Variants in PXDNL observed in about 807,000 individuals in gnomAD.
PXDNL encodes peroxidasin like.
In PXDNL, 145 loss-of-function variants were observed where a neutral mutation model predicts 150.8. The observed-to-expected ratio is 0.96, with a 90% CI of 0.84 to 1.10. PXDNL has a LOEUF of 1.10. PXDNL is among the 50% of genes least tolerant of loss of function. PXDNL has a pLI of 0.00. For missense variants in PXDNL, 2,087 were observed against 1,873.9 expected (o/e 1.11, Z -2.10); for synonymous variants, 757 against 725.7 (o/e 1.04, Z -0.69).
At chr8:51,620,304 A>T (rs1357185772) in intron 2 of PXDNL, among the ~76,000 whole-genome samples, 7 of 152,174 alleles carry the variant, frequency 4.6e-5, no homozygotes, top group Non-Finnish European at 1.0e-4. Flanking sequence ...AATGCCTCTA[A>T]TCCTGAAGAG....
intron 12 of PXDNL, among the ~76,000 whole-genome samples, chr8:51,446,385 A>G (rs1010879708): frequency 6.6e-6 from 1 of 152,350 alleles, no homozygotes; most frequent in South Asian, 2.1e-4. Flanking sequence ...CCATCATTTC[A>G]CCATAAGCCA....
intron 1 of PXDNL, among the ~76,000 whole-genome samples, chr8:51,696,905 G>A (rs16919839): frequency 0.33 from 10,178 of 30,826 alleles, 590 homozygotes; most frequent in African/African-American, 0.39. Context: ...AACAGCCTTT[G>A]CTGATTATAT....
intron 5 of PXDNL, among the ~76,000 whole-genome samples, chr8:51,496,837 T>C (rs1480706998): frequency 6.6e-6 from 1 of 152,196 alleles, no homozygotes; most frequent in East Asian, 1.9e-4. Flanking sequence ...GAAGAATCAA[T>C]GTCATGAAAA....
chr8:51,453,023 T>C (rs1809844653), intron 10 of PXDNL, among the ~76,000 whole-genome samples: 1 of 152,006 alleles, frequency 6.6e-6, no homozygotes, highest in Admixed American at 6.6e-5. Flanking sequence ...AGAATGTGCC[T>C]TCTTTATAAC....
At chr8:51,641,226 A>C (rs1814746461) in intron 2 of PXDNL, among the ~76,000 whole-genome samples, 1 of 122,802 alleles carries the variant, frequency 8.1e-6, no homozygotes, top group East Asian at 2.3e-4. Context: ...AAAGACTTAA[A>C]CGTTAGACCT....
At chr8:51,676,151 T>C (rs773911072) in intron 1 of PXDNL, among the ~76,000 whole-genome samples, 1 of 152,162 alleles carries the variant, frequency 6.6e-6, no homozygotes, top group Non-Finnish European at 1.5e-5. Flanking sequence ...ACTCTATTAC[T>C]GATGTTGTTA....
chr8:51,406,277 T>C (rs546654492), intron 17 of PXDNL, among the ~76,000 whole-genome samples: 9 of 152,328 alleles, frequency 5.9e-5, no homozygotes, highest in Admixed American at 4.6e-4. Flanking sequence ...ACAGGAAACA[T>C]TTAAAATTCT....
At chr8:51,654,261 A>G (rs1815103979) in intron 2 of PXDNL, among the ~76,000 whole-genome samples, 1 of 152,264 alleles carries the variant, frequency 6.6e-6, no homozygotes, top group Non-Finnish European at 1.5e-5. Context: ...CAGCATCTCT[A>G]CATGATTCTA....
At chr8:51,457,211 T>C (rs1274212661) in intron 9 of PXDNL, among the ~76,000 whole-genome samples, 1 of 152,222 alleles carries the variant, frequency 6.6e-6, no homozygotes, top group African/African-American at 2.4e-5. Flanking sequence ...TATTCCTGCC[T>C]AAGTAACACT....
chr8:51,534,895 C>A (rs1471092745), intron 4 of PXDNL, among the ~76,000 whole-genome samples: 1 of 96,968 alleles, frequency 1.0e-5, no homozygotes, highest in Non-Finnish European at 1.9e-5. Flanking sequence ...AGGTGAGGGG[C>A]GCCTCTGCCC....
chr8:51,731,038 T>C (rs1489377224), intron 1 of PXDNL, among the ~76,000 whole-genome samples: 1 of 152,132 alleles, frequency 6.6e-6, no homozygotes, highest in African/African-American at 2.4e-5. Context: ...CTCCCAAATC[T>C]CATGTTCTCA....
Position 51,382,723 on chromosome 8 carries a change from G to A in PXDNL, c.3558-7992C>T, listed in dbSNP as rs1042657214. On this transcript the variant is annotated intron_variant, in intron 17 of 22. Transcript: ENST00000356297. ...TAAAAAAAAAGATATATTGATCTCTGAATGGTTAGAATTAAATTATGCAGA... is the reference window on the plus strand; with the variant it reads ...TAAAAAAAAAGATATATTGATCTCTAAATGGTTAGAATTAAATTATGCAGA... 5.9e-5 allele frequency among the ~76,000 whole-genome samples: 9 copies of A among 152,112 alleles called. No individual in the cohort carries two copies. The East Asian group carries it at 1.7e-3, about 29-fold the overall frequency.
At chr8:51,716,922 G>A (rs1225144644) in intron 1 of PXDNL, among the ~76,000 whole-genome samples, 1 of 151,964 alleles carries the variant, frequency 6.6e-6, no homozygotes, top group Admixed American at 6.6e-5. Flanking sequence ...CTCTTTTTTT[G>A]TTGTTGTTTT....
In PXDNL at chr8:51,663,614, C is replaced by CG. The variant is rs1254425033; in HGVS notation, c.165-8855dup. On this transcript the variant is annotated intron_variant, in intron 1 of 22. Coordinates refer to ENST00000356297, the MANE Select transcript of PXDNL (RefSeq NM_144651.5). The stretch of plus-strand genomic sequence containing the variant: ...AGTAAGGAGAACATTGCGGTTTTGA[C>CG]GGTGGTATCCCTGTATGTGGGAACC... Among the ~76,000 whole-genome samples the CG allele has an allele frequency of 2.6e-5, 4 of 152,268 alleles. 1 individual carries two copies. The East Asian group carries it at 7.7e-4, about 29-fold the overall frequency.
chr8:51,646,813 G>T (rs1273314779), intron 2 of PXDNL, among the ~76,000 whole-genome samples: 1 of 152,128 alleles, frequency 6.6e-6, no homozygotes, highest in Non-Finnish European at 1.5e-5. Flanking sequence ...ACAAACCAAT[G>T]ATTAGGAGAG....
Position 51,411,261 on chromosome 8 carries a change from A to G in PXDNL, c.2051T>C (p.Leu684Ser). ...GCTTTGTGGCTGACCTTTGCCTTCC[A>G]AGTCCACAGTGAGCCCCTGCTTCAC... ...ERVKQGLTVD[L>S]EGKEFRYNDL... is the part of the protein sequence containing the mutation. The change falls in exon 16 of 23, where the codon TTG (leucine) becomes TCG (serine). Residue 684 changes from leucine (L) to serine (S), a missense_variant. Transcript: ENST00000356297. The G allele has an allele frequency of 1.4e-6, 2 of 1,479,900 alleles. No homozygotes were observed. The highest frequency in any genetic ancestry group is 9.0e-7 in the Non-Finnish European group (1 of 1,115,842). The allele number at this position is 1,479,900 out of a possible 1,614,324, so 91.7% of individuals were successfully genotyped here.
At chr8:51,729,722 G>C (rs775520919) in intron 1 of PXDNL, among the ~76,000 whole-genome samples, 4 of 152,190 alleles carry the variant, frequency 2.6e-5, no homozygotes, top group Non-Finnish European at 5.9e-5. Flanking sequence ...AATCATCATT[G>C]TCAAGACTTG....
intron 3 of PXDNL, among the ~76,000 whole-genome samples, chr8:51,589,778 G>C (rs993908920): frequency 6.6e-6 from 1 of 152,146 alleles, no homozygotes; most frequent in African/African-American, 2.4e-5. Flanking sequence ...CTTAAAGATG[G>C]AATTTATAAT....
At chr8:51,748,387 T>C (rs1270459109) in intron 1 of PXDNL, among the ~76,000 whole-genome samples, 1 of 152,188 alleles carries the variant, frequency 6.6e-6, no homozygotes, top group Admixed American at 6.5e-5. Context: ...TTTCTGTTCA[T>C]TGACATGGGC....
Sources: allele counts gnomAD v4.1 joint callset (sites outside exome capture counted in the v4.1 genomes callset), GRCh38; gene constraint gnomAD v4.1.1; transcripts MANE v1.5; gene names NCBI Gene and HGNC (gene_info 2026-07-23, HGNC 2026-07-21).